The following GOLM1 variants were observed in gnomAD, a reference collection of about 807,000 sequenced individuals.
GOLM1 encodes the protein epididymis luminal protein 46.
Under a neutral mutation model 50.5 loss-of-function variants are expected in GOLM1, and 31 were observed. The observed-to-expected ratio is 0.61, with a 90% CI of 0.46 to 0.83. The LOEUF (loss-of-function observed/expected upper bound fraction) is 0.83, where lower values mean the gene tolerates loss of function less well. Among genes scored for constraint, GOLM1 ranks in the 40% least tolerant of loss-of-function variants. The pLI is 0.00. For synonymous variants in GOLM1, 178 were observed against 192.8 expected (o/e 0.92, Z 0.64); for missense variants, 491 against 501.3 (o/e 0.98, Z 0.20).
intron 1 of GOLM1, among the ~76,000 whole-genome samples, chr9:86,091,452 C>CA (rs1835183794): frequency 6.7e-6 from 1 of 149,348 alleles, no homozygotes; most frequent in South Asian, 2.1e-4. Context: ...AAGAATGCAG[C>CA]TTTTTTTTTT....
At chr9:86,093,692 T>G (rs913579872) in intron 1 of GOLM1, among the ~76,000 whole-genome samples, 6 of 152,226 alleles carry the variant, frequency 3.9e-5, no homozygotes, top group Admixed American at 2.0e-4. Flanking sequence ...GACAAAATGT[T>G]TGTAATTTAA....
chr9:86,078,738 T>C (rs928396109), intron 2 of GOLM1, among the ~76,000 whole-genome samples: 15 of 152,308 alleles, frequency 9.8e-5, no homozygotes, highest in African/African-American at 3.1e-4. Flanking sequence ...AAGTTAAAAT[T>C]ATTATTATCA....
chr9:86,080,950 T>C (rs970170018), intron 1 of GOLM1, among the ~76,000 whole-genome samples: 8 of 152,142 alleles, frequency 5.3e-5, no homozygotes, highest in African/African-American at 7.2e-5. Flanking sequence ...AGTCACGCAA[T>C]TGTGGCTCAC....
At chr9:86,085,561 T>C (rs1834932387) in intron 1 of GOLM1, among the ~76,000 whole-genome samples, 1 of 151,138 alleles carries the variant, frequency 6.6e-6, no homozygotes, top group African/African-American at 2.4e-5. Flanking sequence ...ACCTGTGCCA[T>C]GATGGTTTGC....
At chr9:86,041,148 T>A (rs1380461540) in intron 5 of GOLM1, among the ~76,000 whole-genome samples, 1 of 152,048 alleles carries the variant, frequency 6.6e-6, no homozygotes, top group African/African-American at 2.4e-5. Context: ...ATAAAAAAAA[T>A]ATGTATTGGT....
In GOLM1 at chr9:86,026,833, T is replaced by G; in HGVS notation, c.*984A>C. On this transcript the variant is annotated 3_prime_UTR_variant, in exon 10 of 10. Transcript: ENST00000388712. ...TACCACAAGCTAAATGTGTACACTA[T>G]GATAAAAACAACCATTGTATTCCTG... 1.0e-6 allele frequency: 1 copy of G among 979,474 alleles called. No individual in the cohort carries two copies. The highest frequency in any genetic ancestry group is 1.2e-6 in the Non-Finnish European group (1 of 824,534). 60.7% of individuals were successfully genotyped at this position (979,474 alleles called of 1,614,324 possible).
intron 4 of GOLM1, 89 bp downstream of exon 4, chr9:86,052,448 T>G: frequency 9.4e-7 from 1 of 1,064,978 alleles, no homozygotes; most frequent in Non-Finnish European, 1.5e-6. Context: ...GAGATTATAA[T>G]GGAGACCCAC....
At position 86,087,353 on chromosome 9, in the gene GOLM1, G is replaced by A. The variant is rs989453676; in HGVS notation, c.-21-8012C>T. Among the ~76,000 whole-genome samples, 11 of 152,164 alleles carry A rather than the reference G, an allele frequency of 7.2e-5. No individual in the cohort carries two copies. The East Asian group carries it at 7.7e-4, about 11-fold the overall frequency. ...GCTTAAGGAGATTTTAGGCTGAGACGATGGGGTTTTCTAAATATACAATCA... is the reference window on the plus strand; with the variant it reads ...GCTTAAGGAGATTTTAGGCTGAGACAATGGGGTTTTCTAAATATACAATCA... On this transcript the variant is annotated intron_variant, in intron 1 of 9. Transcript: ENST00000388712.
chr9:86,039,295 T>C lies in GOLM1; in HGVS notation c.597+1444A>G, dbSNP rs188553229. On this transcript the variant is annotated intron_variant, in intron 6 of 9. Coordinates refer to ENST00000388712, the MANE Select transcript of GOLM1 (RefSeq NM_016548.4). ...GCTAGGAAGGGTATCATGAAAAAGG[T>C]AGTATCAAGAGTTGGCAAGGATGTG... Among the ~76,000 whole-genome samples the C allele has an allele frequency of 3.6e-3, 545 of 152,154 alleles. 3 individuals are homozygous for C. The highest frequency in any genetic ancestry group is 6.5e-3 in the Admixed American group (99 of 15,290).
rs1832780587 is a variant in GOLM1 at position 86,026,310 on chromosome 9, G to T, written c.*1507C>A. The T allele has an allele frequency of 6.1e-6, 6 of 984,722 alleles. No individual in the cohort carries two copies. The highest frequency in any genetic ancestry group is 6.0e-6 in the Non-Finnish European group (5 of 829,292). The allele number at this position is 984,722 out of a possible 1,614,324, so 61.0% of individuals were successfully genotyped here. ...TTAGAAGAGTATGAAAGTACTCTAAGATTTTATCTAAGTTGCCTTTTCTGG... is the reference window on the plus strand; with the variant it reads ...TTAGAAGAGTATGAAAGTACTCTAATATTTTATCTAAGTTGCCTTTTCTGG... On this transcript the variant is annotated 3_prime_UTR_variant, in exon 10 of 10. Coordinates refer to ENST00000388712, the MANE Select transcript of GOLM1 (RefSeq NM_016548.4).
intron 4 of GOLM1, among the ~76,000 whole-genome samples, chr9:86,048,056 A>G (rs973732125): frequency 8.8e-6 from 1 of 114,098 alleles, no homozygotes; most frequent in Non-Finnish European, 1.7e-5. Flanking sequence ...CACGCCCCAG[A>G]TGTTCCTTGC....
intron 1 of GOLM1, among the ~76,000 whole-genome samples, chr9:86,097,929 T>C (rs1312927296): frequency 6.6e-6 from 1 of 152,132 alleles, no homozygotes; most frequent in Non-Finnish European, 1.5e-5. Flanking sequence ...ATCTTTTCAT[T>C]TCCCATCAAT....
chr9:86,050,578 G>T (rs1833713608), intron 4 of GOLM1, among the ~76,000 whole-genome samples: 1 of 152,004 alleles, frequency 6.6e-6, no homozygotes, highest in South Asian at 2.1e-4. Flanking sequence ...ACTTCTTCCT[G>T]GTTTAGTCTT....
chr9:86,070,421 A>C (rs1834415295), intron 3 of GOLM1, among the ~76,000 whole-genome samples: 1 of 151,786 alleles, frequency 6.6e-6, no homozygotes, highest in Non-Finnish European at 1.5e-5. Flanking sequence ...GAAACACAAA[A>C]ATTAGCCGGG....
At chr9:86,074,541 A>G (rs1280427375) in intron 3 of GOLM1, among the ~76,000 whole-genome samples, 2 of 152,114 alleles carry the variant, frequency 1.3e-5, no homozygotes, top group East Asian at 3.9e-4. Flanking sequence ...GCAGCCAAGA[A>G]GTTGTGTCTG....
intron 1 of GOLM1, among the ~76,000 whole-genome samples, chr9:86,094,474 A>G (rs1835291126): frequency 6.6e-6 from 1 of 152,228 alleles, no homozygotes; most frequent in Non-Finnish European, 1.5e-5. Flanking sequence ...CTTTTCCCCA[A>G]TGCTAGAAGC....
chr9:86,093,568 CAAAA>C (rs35939357), intron 1 of GOLM1, among the ~76,000 whole-genome samples: 1 of 124,654 alleles, frequency 8.0e-6, no homozygotes, highest in Admixed American at 8.4e-5. Flanking sequence ...AGATTTCTGT[CAAAA>C]AAAAAAAAAA....
intron 6 of GOLM1, among the ~76,000 whole-genome samples, chr9:86,038,355 T>C (rs1833220981): frequency 6.6e-6 from 1 of 151,108 alleles, no homozygotes; most frequent in Non-Finnish European, 1.5e-5. Context: ...CAGGCCAGAG[T>C]GCTCTATTCT....
intron 1 of GOLM1, among the ~76,000 whole-genome samples, chr9:86,093,775 G>C (rs145793769): frequency 5.4e-4 from 82 of 152,228 alleles, no homozygotes; most frequent in African/African-American, 1.8e-3. Flanking sequence ...AAATACACGA[G>C]CCCCTTGACC....
Sources: allele counts gnomAD v4.1 joint callset (sites outside exome capture counted in the v4.1 genomes callset), GRCh38; gene constraint gnomAD v4.1.1; transcripts MANE v1.5; gene names NCBI Gene and HGNC (gene_info 2026-07-23, HGNC 2026-07-21).